Variants in AP4M1 observed in about 807,000 individuals in gnomAD.
The protein encoded by AP4M1 is adaptor related protein complex 4 subunit mu 1.
A neutral mutation model predicts 62.4 loss-of-function variants in AP4M1; 58 were observed. The observed-to-expected ratio is 0.93, with a 90% CI of 0.75 to 1.16. The LOEUF is 1.16. Ranked by LOEUF, AP4M1 falls within the 50% of genes most tolerant of loss-of-function variation. The pLI is 0.00. For missense variants in AP4M1, 626 were observed against 585.4 expected (o/e 1.07, Z -0.72); for synonymous variants, 290 against 239.7 (o/e 1.21, Z -1.94).
At position 100,108,292 on chromosome 7, in the gene AP4M1, T is replaced by G. The variant is rs1286791781; in HGVS notation, c.*1410T>G. ...ACTACTGACTGAGGGCACATGTGGC[T>G]GTGTGCAAGTGCCTGTCCCACACAG... On this transcript the variant is annotated 3_prime_UTR_variant, in exon 15 of 15. Coordinates refer to ENST00000359593, the MANE Select transcript of AP4M1 (RefSeq NM_004722.4). The G allele has an allele frequency of 6.6e-7, 1 of 1,510,548 alleles. No homozygotes were observed. The highest frequency in any genetic ancestry group is 8.8e-7 in the Non-Finnish European group (1 of 1,130,354). 93.6% of individuals were successfully genotyped at this position (1,510,548 alleles called of 1,614,324 possible).
intron 9 of AP4M1, 28 bp downstream of exon 9, chr7:100,105,126 T>G (rs1281629326): frequency 6.8e-6 from 11 of 1,613,790 alleles, no homozygotes; most frequent in Non-Finnish European, 9.3e-6. Flanking sequence ...CTTTCTCCCC[T>G]TGGAGTAGGT....
In AP4M1 at chr7:100,108,316, A is replaced by C; in HGVS notation, c.*1434A>C. On this transcript the variant is annotated 3_prime_UTR_variant, in exon 15 of 15. Coordinates refer to ENST00000359593, the MANE Select transcript of AP4M1 (RefSeq NM_004722.4). ...CTGTGTGCAAGTGCCTGTCCCACAC[A>C]GGGGTTCTCCTCTGCTTCCTCCTAT... 1 of 1,550,666 alleles carries C rather than the reference A, an allele frequency of 6.4e-7. No individual in the cohort carries two copies. The highest frequency in any genetic ancestry group is 8.7e-7 in the Non-Finnish European group (1 of 1,149,670).
Position 100,101,729 on chromosome 7 carries a change from C to T in AP4M1, c.15C>T (p.Phe5=), listed in dbSNP as rs773668976. 1 of 1,608,280 alleles carries T rather than the reference C, an allele frequency of 6.2e-7. No homozygotes were observed. The highest frequency in any genetic ancestry group is 8.5e-7 in the Non-Finnish European group (1 of 1,176,636). MISQ[F]FILSSKGDPL... is the part of the protein sequence containing the mutation. Reference sequence around the variant, plus strand: ...CCAGAACGGCCATGATTTCCCAATTCTTCATTCTGTCCTCCAAGGGGGACC... The same window carrying T: ...CCAGAACGGCCATGATTTCCCAATTTTTCATTCTGTCCTCCAAGGGGGACC... Residue 5 remains phenylalanine (F), a synonymous_variant, in exon 1 of 15, where the codon TTC becomes TTT. Coordinates refer to ENST00000359593, the MANE Select transcript of AP4M1 (RefSeq NM_004722.4).
chr7:100,105,784 GAA>G lies in AP4M1; in HGVS notation c.930-163_930-162del, dbSNP rs35827619. ...CAACATAGTGAGACCCCATCTCTCTGAAAAAAAAAAAAAGGAAAAAGCTTTGG... is the reference window on the plus strand; with the variant it reads ...CAACATAGTGAGACCCCATCTCTCTGAAAAAAAAAAAGGAAAAAGCTTTGG... On this transcript the variant is annotated intron_variant, in intron 11 of 14. Transcript: ENST00000359593. Among the ~76,000 whole-genome samples, 4,924 of 145,466 alleles carry G rather than the reference GAA, an allele frequency of 0.034. 274 individuals are homozygous for G. The highest frequency in any genetic ancestry group is 0.12 in the African/African-American group (4,563 of 39,594).
Position 100,107,600 on chromosome 7 carries a change from G to C in AP4M1, c.*718G>C, listed in dbSNP as rs568825398. 3.1e-6 allele frequency: 5 copies of C among 1,613,420 alleles called. No homozygotes were observed. In the Admixed American group the frequency reaches 8.3e-5, roughly 27 times the overall value. On this transcript the variant is annotated 3_prime_UTR_variant, in exon 15 of 15. Transcript: ENST00000359593. ...AAGTGGTGGTGGAACCTGAGCCGGG[G>C]GCCGAGGTGCTGAGGGACAGGACCT...
intron 2 of AP4M1, 98 bp downstream of exon 2, chr7:100,102,066 G>T: frequency 1.5e-6 from 2 of 1,354,994 alleles, no homozygotes; most frequent in Non-Finnish European, 2.1e-6. Flanking sequence ...ATTCCACTTG[G>T]GGGGTGCATT....
At chr7:100,102,331 C>T (rs1796114640) in intron 2 of AP4M1, 2 of 511,928 alleles carry the variant, frequency 3.9e-6, no homozygotes, top group Non-Finnish European at 7.1e-6. Context: ...GCAGAGGTTG[C>T]AGTGAGCCGA....
At chr7:100,106,548 C>G (rs766740950) in intron 14 of AP4M1, 34 bp downstream of exon 14, 2 of 1,602,208 alleles carry the variant, frequency 1.2e-6, no homozygotes, top group South Asian at 2.2e-5. Context: ...CCTCTCCTCC[C>G]ACATTCACTT....
At position 100,103,094 on chromosome 7, in the gene AP4M1, CAG is replaced by C. The variant is rs535257841; in HGVS notation, c.351+135_351+136del. 2.5e-4 allele frequency: 185 copies of C among 741,744 alleles called. No homozygotes were observed. In the African/African-American group the frequency reaches 3.7e-3, roughly 15 times the overall value. 45.9% of individuals were successfully genotyped at this position (741,744 alleles called of 1,614,324 possible). A position where few individuals can be genotyped will look rare whatever the true frequency, so the allele number is the denominator to read the frequency against. On this transcript the variant is annotated intron_variant, in intron 4 of 14. Coordinates refer to ENST00000359593, the MANE Select transcript of AP4M1 (RefSeq NM_004722.4). ...TTTTTTTTTTTTTTGCTTTTAGAGACAGGGTCTTGCTCTGTTGCCCAGGCTGG... is the reference window on the plus strand; with the variant it reads ...TTTTTTTTTTTTTTGCTTTTAGAGACGGTCTTGCTCTGTTGCCCAGGCTGG...
rs766628480 is a variant in AP4M1, at chr7:100,104,859, G to T, written c.607-15G>T. Reference sequence around the variant, plus strand: ...AAGAAAAAAAGACTCTAACCTTGACGCCCCTGCCTCTCAGGGATCCCTGCT... The same window carrying T: ...AAGAAAAAAAGACTCTAACCTTGACTCCCCTGCCTCTCAGGGATCCCTGCT... On this transcript the variant is annotated splice_polypyrimidine_tract_variant and intron_variant, in intron 7 of 14. Transcript: ENST00000359593. 10 of 1,613,822 alleles carry T rather than the reference G, an allele frequency of 6.2e-6. No homozygotes were observed. The highest frequency in any genetic ancestry group is 3.3e-5 in the Admixed American group (2 of 59,978).
rs1562920463 is a variant in AP4M1, at chr7:100,108,446, C to G, written c.*1564C>G. On this transcript the variant is annotated 3_prime_UTR_variant, in exon 15 of 15. Transcript: ENST00000359593. ...GGCCCGAGCCTTGACCACCTGGGAG[C>G]AGAGGAGGGGCCCAAGGGACCCGAA... 6.2e-7 allele frequency: 1 copy of G among 1,613,840 alleles called. No homozygotes were observed. The highest frequency in any genetic ancestry group is 1.1e-5 in the South Asian group (1 of 91,076).
Position 100,105,637 on chromosome 7 carries a change from G to A in AP4M1, c.929+98G>A, listed in dbSNP as rs1380718229. 4 of 1,253,046 alleles carry A rather than the reference G, an allele frequency of 3.2e-6. No individual in the cohort carries two copies. The East Asian group carries it at 9.6e-5, about 30-fold the overall frequency. 77.6% of individuals were successfully genotyped at this position (1,253,046 alleles called of 1,614,324 possible). A position where few individuals can be genotyped will look rare whatever the true frequency, so the allele number is the denominator to read the frequency against. On this transcript the variant is annotated intron_variant, in intron 11 of 14. Coordinates refer to ENST00000359593, the MANE Select transcript of AP4M1 (RefSeq NM_004722.4). ...GCAGAGTGGGGGTGGTGGTAGTGGT[G>A]ATGGAGTGCAAATTGGAAAAAGGCT... is the stretch of plus-strand genomic sequence containing the variant.
chr7:100,100,978 T>A (rs773500820), upstream of AP4M1: 3 of 943,774 alleles, frequency 3.2e-6, no homozygotes, highest in East Asian at 6.3e-5. Context: ...GGGCGCGACT[T>A]TTCCCTGTGC....
At position 100,106,665 on chromosome 7, in the gene AP4M1, T is replaced by TCCCAGGGCC. The variant is rs748636084; in HGVS notation, c.1152_1160dup (p.Gly387_Pro389dup). 8 of 1,609,520 alleles carry TCCCAGGGCC rather than the reference T, an allele frequency of 5.0e-6. No homozygotes were observed. Among genetic ancestry groups the TCCCAGGGCC allele is most frequent in the Middle Eastern group, 1.7e-4 (1 of 6,048 alleles). On this transcript the variant is annotated inframe_insertion, in exon 15 of 15. Coordinates refer to ENST00000359593, the MANE Select transcript of AP4M1 (RefSeq NM_004722.4). ...TGCCTCTGCCCCTCACAGATGGACG[T>TCCCAGGGCC]CCCAGGGCCCCCAGGACCTCCCAGC... is the stretch of plus-strand genomic sequence containing the variant.
At chr7:100,102,237 A>G in intron 2 of AP4M1, 1 of 606,400 alleles carries the variant, frequency 1.6e-6, no homozygotes, top group Middle Eastern at 4.6e-4. Flanking sequence ...AAAAAAAAAA[A>G]AAACATAGCT....
In AP4M1 at chr7:100,107,743, A is replaced by G. The variant is rs1023622822; in HGVS notation, c.*861A>G. 1.4e-6 allele frequency: 2 copies of G among 1,461,552 alleles called. No individual in the cohort carries two copies. The highest frequency in any genetic ancestry group is 1.4e-5 in the African/African-American group (1 of 70,240). The allele number at this position is 1,461,552 out of a possible 1,614,324, so 90.5% of individuals were successfully genotyped here. A position where few individuals can be genotyped will look rare whatever the true frequency, so the allele number is the denominator to read the frequency against. ...GTTGTTCCTGTAGTTCACCCTGTAGACAGCTATGGCTGGAGACCTTGTTCA... is the reference window on the plus strand; with the variant it reads ...GTTGTTCCTGTAGTTCACCCTGTAGGCAGCTATGGCTGGAGACCTTGTTCA... On this transcript the variant is annotated 3_prime_UTR_variant, in exon 15 of 15. Transcript: ENST00000359593.
At position 100,107,511 on chromosome 7, in the gene AP4M1, G is replaced by C. The variant is rs138114559; in HGVS notation, c.*629G>C. On this transcript the variant is annotated 3_prime_UTR_variant, in exon 15 of 15. Coordinates refer to ENST00000359593, the MANE Select transcript of AP4M1 (RefSeq NM_004722.4). ...AGAGGGAGCAGTGCTGGGGGGTGCG[G>C]TGGTGGCGGTGGAGACCAACTTGAC... is the stretch of plus-strand genomic sequence containing the variant. 6.2e-7 allele frequency: 1 copy of C among 1,614,166 alleles called. No homozygotes were observed. Among genetic ancestry groups the C allele is most frequent in the African/African-American group, 1.3e-5 (1 of 75,058 alleles).
At position 100,108,160 on chromosome 7, in the gene AP4M1, C is replaced by T. The variant is rs1796756897; in HGVS notation, c.*1278C>T. The T allele has an allele frequency of 3.2e-6, 5 of 1,560,654 alleles. No homozygotes were observed. Among genetic ancestry groups the T allele is most frequent in the Non-Finnish European group, 3.5e-6 (4 of 1,157,168 alleles). ...AGAGGAAAGGGGGAAGTGGCACCAT[C>T]TACTAAGAAGAGGAGTCTGAAGGGA... On this transcript the variant is annotated 3_prime_UTR_variant, in exon 15 of 15. Transcript: ENST00000359593.
chr7:100,103,306 A>C, intron 4 of AP4M1, 103 bp from the exon 5 acceptor site: 1 of 1,034,992 alleles, frequency 9.7e-7, no homozygotes, highest in South Asian at 1.3e-5. Context: ...TCGGCCTTCC[A>C]AAGCGCTGAG....
Sources: allele counts gnomAD v4.1 joint callset (sites outside exome capture counted in the v4.1 genomes callset), GRCh38; gene constraint gnomAD v4.1.1; transcripts MANE v1.5; gene names NCBI Gene and HGNC (gene_info 2026-07-23, HGNC 2026-07-21).